COL14A1: variants seen among roughly 807,000 people sequenced by gnomAD.
The protein encoded by COL14A1 is collagen type XIV alpha 1 chain, also known as collagen alpha-1(XIV) chain.
A neutral mutation model predicts 230.3 loss-of-function variants in COL14A1; 136 were observed. That is an observed-to-expected ratio of 0.59 (90% CI 0.51 to 0.68). The LOEUF is 0.68. Ranked by LOEUF, COL14A1 falls within the 30% of genes least tolerant of loss-of-function variation. COL14A1 has a pLI of 0.00. For synonymous variants in COL14A1, 792 were observed against 784.1 expected (o/e 1.01, Z -0.17); for missense variants, 1,976 against 2,215.8 (o/e 0.89, Z 2.17).
At chr8:120,125,880 A>G (rs2130355681) in intron 1 of COL14A1, among the ~76,000 whole-genome samples, 1 of 152,170 alleles carries the variant, frequency 6.6e-6, no homozygotes, top group East Asian at 1.9e-4. Flanking sequence ...AGATTTGGGT[A>G]GCTGAGAACC....
chr8:120,213,617 A>G (rs74818061), intron 13 of COL14A1, among the ~76,000 whole-genome samples: 4,044 of 152,280 alleles, frequency 0.027, 153 homozygotes, highest in African/African-American at 0.086. Context: ...GAAAGCATCC[A>G]CCACATAAGT....
intron 2 of COL14A1, among the ~76,000 whole-genome samples, chr8:120,155,521 G>A (rs1815443661): frequency 6.6e-6 from 1 of 152,150 alleles, no homozygotes; most frequent in East Asian, 1.9e-4. Context: ...AATCCTGAAT[G>A]TTGTTTGCTG....
rs1820011557 is a variant in COL14A1, at chr8:120,280,802, T to C, written c.3685+53T>C. On this transcript the variant is annotated intron_variant, in intron 30 of 47. Coordinates refer to ENST00000297848, the MANE Select transcript of COL14A1 (RefSeq NM_021110.4). ...ACAAAATATATTACAGGCCTCTCAATTGGGGATGGGGTTTCTGTTTTTGTT... is the reference window on the plus strand; with the variant it reads ...ACAAAATATATTACAGGCCTCTCAACTGGGGATGGGGTTTCTGTTTTTGTT... 6 of 1,573,570 alleles carry C rather than the reference T, an allele frequency of 3.8e-6. No individual in the cohort carries two copies. In the South Asian group the frequency reaches 7.1e-5, roughly 19 times the overall value.
At chr8:120,245,802 G>A (rs191988957) in intron 20 of COL14A1, among the ~76,000 whole-genome samples, 31 of 152,280 alleles carry the variant, frequency 2.0e-4, no homozygotes, top group Non-Finnish European at 3.5e-4. Flanking sequence ...GCTTCTCCAT[G>A]TGGTCTTTCC....
chr8:120,285,858 T>C lies in COL14A1; in HGVS notation c.3968-3T>C, dbSNP rs1820180420. On this transcript the variant is annotated splice_region_variant and splice_polypyrimidine_tract_variant and intron_variant, in intron 32 of 47. Coordinates refer to ENST00000297848, the MANE Select transcript of COL14A1 (RefSeq NM_021110.4). ...TAAAATATTTTTATTTTTCTTTCAA[T>C]AGATGGTGGGAAAACTCTAACATAT... 1.3e-6 allele frequency: 2 copies of C among 1,542,628 alleles called. No individual in the cohort carries two copies. The highest frequency in any genetic ancestry group is 2.2e-5 in the East Asian group (1 of 44,454).
At chr8:120,145,079 T>C (rs978801454) in intron 1 of COL14A1, among the ~76,000 whole-genome samples, 2 of 152,148 alleles carry the variant, frequency 1.3e-5, no homozygotes, top group African/African-American at 4.8e-5. Flanking sequence ...GTAAAAGTCA[T>C]GAACAGTTAT....
intron 22 of COL14A1, among the ~76,000 whole-genome samples, chr8:120,254,269 G>A (rs1563698639): frequency 6.6e-6 from 1 of 152,092 alleles, no homozygotes; most frequent in Non-Finnish European, 1.5e-5. Flanking sequence ...CTATTGTCTT[G>A]TAGAAACAAT....
chr8:120,310,590 A>C (rs1821004946), intron 37 of COL14A1, among the ~76,000 whole-genome samples: 1 of 152,180 alleles, frequency 6.6e-6, no homozygotes, highest in East Asian at 1.9e-4. Context: ...ATGCCAAGCC[A>C]TGTCAAGGAA....
chr8:120,288,516 A>G (rs955707000), intron 33 of COL14A1, among the ~76,000 whole-genome samples: 8 of 152,288 alleles, frequency 5.3e-5, no homozygotes, highest in Admixed American at 1.3e-4. Context: ...TGTACTTACA[A>G]TGTGAATACA....
At position 120,158,115 on chromosome 8, in the gene COL14A1, G is replaced by T. The variant is rs1383503496; in HGVS notation, c.89-15G>T. ...ATGTTACAATGTTTACATCATTTTT[G>T]TTCTTCCTTTTCAGTGGCTCCACCC... On this transcript the variant is annotated splice_polypyrimidine_tract_variant and intron_variant, in intron 2 of 47. Coordinates refer to ENST00000297848, the MANE Select transcript of COL14A1 (RefSeq NM_021110.4). 3 of 1,347,546 alleles carry T rather than the reference G, an allele frequency of 2.2e-6. No individual in the cohort carries two copies. Among genetic ancestry groups the T allele is most frequent in the Admixed American group, 2.0e-5 (1 of 49,908 alleles). 83.5% of individuals were successfully genotyped at this position (1,347,546 alleles called of 1,614,324 possible).
chr8:120,254,202 G>C (rs996930106), intron 22 of COL14A1, among the ~76,000 whole-genome samples: 1 of 152,092 alleles, frequency 6.6e-6, no homozygotes, highest in Non-Finnish European at 1.5e-5. Context: ...ATTAGGAAAA[G>C]TAAATATGTT....
intron 13 of COL14A1, among the ~76,000 whole-genome samples, chr8:120,215,740 G>T (rs949752924): frequency 1.3e-5 from 2 of 152,116 alleles, no homozygotes; most frequent in Non-Finnish European, 2.9e-5. Context: ...AGTGGGTTGC[G>T]AGAGAAAGAG....
chr8:120,318,689 C>A (rs1821324368), intron 40 of COL14A1, among the ~76,000 whole-genome samples: 1 of 152,066 alleles, frequency 6.6e-6, no homozygotes, highest in African/African-American at 2.4e-5. Flanking sequence ...AAACACCTTG[C>A]AATTATTCCT....
intron 14 of COL14A1, among the ~76,000 whole-genome samples, chr8:120,221,403 T>C (rs1250396982): frequency 6.6e-6 from 1 of 152,206 alleles, no homozygotes; most frequent in Non-Finnish European, 1.5e-5. Context: ...ACTAATCGTT[T>C]AAAACATGAT....
At chr8:120,336,447 G>A (rs76512821) in intron 42 of COL14A1, among the ~76,000 whole-genome samples, 686 of 152,230 alleles carry the variant, frequency 4.5e-3, no homozygotes, top group Middle Eastern at 0.02. Context: ...TCTTTCTCTA[G>A]TTCCATCACG....
At chr8:120,138,662 C>T (rs1814791070) in intron 1 of COL14A1, among the ~76,000 whole-genome samples, 1 of 152,122 alleles carries the variant, frequency 6.6e-6, no homozygotes, top group Admixed American at 6.5e-5. Flanking sequence ...GTAATAATTG[C>T]TCACTTCCTC....
chr8:120,222,273 G>T (rs771413018), intron 14 of COL14A1, among the ~76,000 whole-genome samples: 40 of 152,158 alleles, frequency 2.6e-4, no homozygotes, highest in Middle Eastern at 3.2e-3. Context: ...TGCTAAAAAT[G>T]ACCTATAATG....
intron 42 of COL14A1, 47 bp from the exon 43 acceptor site, chr8:120,341,278 G>A (rs756277479): frequency 1.3e-6 from 2 of 1,581,872 alleles, no homozygotes; most frequent in Non-Finnish European, 8.7e-7. Flanking sequence ...ATCACTCTTA[G>A]CTAAGTGCAA....
chr8:120,321,411 C>T (rs748237204), intron 40 of COL14A1, among the ~76,000 whole-genome samples: 2 of 151,990 alleles, frequency 1.3e-5, no homozygotes, highest in Admixed American at 6.6e-5. Flanking sequence ...GAGGCTGAGG[C>T]AGGTGGATCA....
Sources: gnomAD v4.1 joint callset for allele counts (sites outside exome capture counted in the v4.1 genomes callset) on GRCh38, gnomAD v4.1.1 for gene constraint, MANE v1.5 for transcripts, NCBI Gene and HGNC (gene_info 2026-07-23, HGNC 2026-07-21) for gene names.